Variants in ASIC2 observed in about 807,000 individuals in gnomAD.
ASIC2 encodes acid-sensing ion channel 2.
Under a neutral mutation model 57.3 loss-of-function variants are expected in ASIC2, and 25 were observed. The observed-to-expected ratio is 0.44, with a 90% CI of 0.32 to 0.61. The LOEUF is 0.61. Ranked by LOEUF, ASIC2 falls within the 20% of genes least tolerant of loss-of-function variation. ASIC2 has a pLI of 0.06. For missense variants in ASIC2, 641 were observed against 738.1 expected (o/e 0.87, Z 1.52); for synonymous variants, 319 against 307.5 (o/e 1.04, Z -0.39).
intron 1 of ASIC2, among the ~76,000 whole-genome samples, chr17:33,579,073 G>A (rs927877619): frequency 3.3e-5 from 5 of 151,914 alleles, no homozygotes; most frequent in Admixed American, 6.5e-5. Context: ...ATCACTTGAG[G>A]TCAGGGATTC....
intron 1 of ASIC2, among the ~76,000 whole-genome samples, chr17:33,442,631 A>T (rs1911864979): frequency 6.6e-6 from 1 of 152,108 alleles, no homozygotes; most frequent in Non-Finnish European, 1.5e-5. Context: ...GCCTTTGCTA[A>T]ATTTGTTCAC....
Position 33,913,522 on chromosome 17 carries a change from G to A in ASIC2, c.555+242456C>T, listed in dbSNP as rs78301105. On this transcript the variant is annotated intron_variant, in intron 1 of 9. Transcript: ENST00000359872. The stretch of plus-strand genomic sequence containing the variant: ...CCCTTTAGCCCATGCCAATTCTTCT[G>A]AATCATTTTCTATGATAAACTGAAT... Among the ~76,000 whole-genome samples the A allele has an allele frequency of 7.5e-3, 1,142 of 152,198 alleles. 13 individuals carry two copies. Among genetic ancestry groups the A allele is most frequent in the Non-Finnish European group, 9.0e-3 (609 of 68,020 alleles).
At chr17:33,114,618 G>A (rs1183022093) in intron 1 of ASIC2, among the ~76,000 whole-genome samples, 1 of 152,214 alleles carries the variant, frequency 6.6e-6, no homozygotes, top group Non-Finnish European at 1.5e-5. Flanking sequence ...GTGGACTCCT[G>A]AAATCAGCTG....
chr17:33,475,785 G>A (rs750569748), intron 1 of ASIC2, among the ~76,000 whole-genome samples: 1 of 152,172 alleles, frequency 6.6e-6, no homozygotes, highest in Non-Finnish European at 1.5e-5. Context: ...AGAAGCAAAG[G>A]TGGCTGCTGC....
chr17:33,587,094 T>C (rs77835552), intron 1 of ASIC2, among the ~76,000 whole-genome samples: 1,646 of 152,334 alleles, frequency 0.011, 15 homozygotes, highest in East Asian at 0.031. Flanking sequence ...TAATGTTCTG[T>C]TGGAACACAG....
chr17:34,089,903 TA>T (rs1422897741), intron 1 of ASIC2, among the ~76,000 whole-genome samples: 1 of 152,172 alleles, frequency 6.6e-6, no homozygotes. Context: ...ATTCATCCCT[TA>T]ATACCAAACA....
chr17:33,552,904 T>G (rs1240137787), intron 1 of ASIC2, among the ~76,000 whole-genome samples: 1 of 152,222 alleles, frequency 6.6e-6, no homozygotes, highest in Admixed American at 6.5e-5. Flanking sequence ...TGGGCTCTCT[T>G]GCACCGCCCT....
chr17:33,522,562 A>C (rs149309970), intron 1 of ASIC2, among the ~76,000 whole-genome samples: 45 of 152,372 alleles, frequency 3.0e-4, no homozygotes, highest in Non-Finnish European at 4.7e-4. Flanking sequence ...AAATAGGAAC[A>C]GTAATTCCCG....
chr17:33,753,905 C>A (rs904607758), intron 1 of ASIC2, among the ~76,000 whole-genome samples: 1 of 152,140 alleles, frequency 6.6e-6, no homozygotes, highest in Non-Finnish European at 1.5e-5. Context: ...AATATTGGCT[C>A]ATCAATTGTA....
chr17:33,045,697 G>C (rs1041822016), intron 3 of ASIC2, among the ~76,000 whole-genome samples: 1 of 152,178 alleles, frequency 6.6e-6, no homozygotes, highest in African/African-American at 2.4e-5. Flanking sequence ...ACATAGTACT[G>C]AGAGGGAGAG....
At chr17:34,075,753 C>T (rs996193806) in intron 1 of ASIC2, among the ~76,000 whole-genome samples, 1 of 151,898 alleles carries the variant, frequency 6.6e-6, no homozygotes, top group East Asian at 1.9e-4. Context: ...GCCTTTGCAC[C>T]GGCTGTTATC....
intron 1 of ASIC2, among the ~76,000 whole-genome samples, chr17:33,786,522 C>T (rs1241956270): frequency 1.3e-5 from 2 of 152,016 alleles, no homozygotes; most frequent in Non-Finnish European, 2.9e-5. Flanking sequence ...TTTTTAATAC[C>T]CACCTAATTA....
intron 1 of ASIC2, among the ~76,000 whole-genome samples, chr17:33,756,243 A>G (rs961710995): frequency 1.3e-5 from 2 of 152,166 alleles, no homozygotes; most frequent in African/African-American, 4.8e-5. Context: ...TGACCTATTC[A>G]ATGCCAGCCT....
At chr17:33,306,868 G>A (rs1163216634) in intron 1 of ASIC2, among the ~76,000 whole-genome samples, 1 of 152,120 alleles carries the variant, frequency 6.6e-6, no homozygotes, top group East Asian at 1.9e-4. Context: ...GGAAATGTAG[G>A]TATTGATCCT....
At chr17:33,317,886 AGT>A (rs57716479) in intron 1 of ASIC2, among the ~76,000 whole-genome samples, 5,999 of 144,388 alleles carry the variant, frequency 0.042, 163 homozygotes, top group African/African-American at 0.081. Context: ...TGTGGAGATG[AGT>A]GTGTGTGTGT....
intron 1 of ASIC2, among the ~76,000 whole-genome samples, chr17:33,898,709 G>C (rs1224926526): frequency 6.6e-6 from 1 of 152,084 alleles, no homozygotes; most frequent in Non-Finnish European, 1.5e-5. Context: ...CATTTTGTCA[G>C]CATATCTTTT....
rs184713967 is a variant in ASIC2, at chr17:33,207,543, C to T, written c.708+83865G>A. Among the ~76,000 whole-genome samples the T allele has an allele frequency of 3.5e-3, 531 of 152,292 alleles. 1 individual carries two copies. The highest frequency in any genetic ancestry group is 6.2e-3 in the Non-Finnish European group (421 of 68,038). ...CGGTTCCTGGAGAGAACAAACCAGA[C>T]CATCTTCATCTATGTATTCTTAGCA... On this transcript the variant is annotated intron_variant, in intron 1 of 9. Transcript: ENST00000225823.
chr17:33,868,803 C>A (rs114036664), intron 1 of ASIC2, among the ~76,000 whole-genome samples: 129 of 152,304 alleles, frequency 8.5e-4, no homozygotes, highest in African/African-American at 3.1e-3. Context: ...GTGGCTCATA[C>A]CTGTAATCCC....
chr17:33,777,990 T>A (rs142177476), intron 1 of ASIC2, among the ~76,000 whole-genome samples: 148 of 152,260 alleles, frequency 9.7e-4, no homozygotes, highest in Non-Finnish European at 1.9e-3. Flanking sequence ...AATGTGGCCC[T>A]TCTCAGGATA....
Sources: gnomAD v4.1 joint callset for allele counts (sites outside exome capture counted in the v4.1 genomes callset) on GRCh38, gnomAD v4.1.1 for gene constraint, MANE v1.5 for transcripts, NCBI Gene and HGNC (gene_info 2026-07-23, HGNC 2026-07-21) for gene names.